The following GRIN2B variants were observed in gnomAD, a reference collection of about 807,000 sequenced individuals.
GRIN2B encodes glutamate ionotropic receptor NMDA type subunit 2B.
Under a neutral mutation model 114.5 loss-of-function variants are expected in GRIN2B, and 5 were observed. The observed-to-expected ratio is 0.04, with a 90% CI of 0.02 to 0.09. The LOEUF (loss-of-function observed/expected upper bound fraction) is 0.09. Among genes scored for constraint, GRIN2B ranks in the 10% least tolerant of loss-of-function variants. GRIN2B has a pLI of 1.00. For synonymous variants in GRIN2B, 787 were observed against 745.1 expected, an observed-to-expected ratio of 1.06 and a Z score of -0.92; for missense variants, 1,108 against 1,943.5, an observed-to-expected ratio of 0.57 and a Z score of 8.08.
At chr12:13,742,941 G>C (rs1009327547) in intron 4 of GRIN2B, among the ~76,000 whole-genome samples, 4 of 152,150 alleles carry the variant, frequency 2.6e-5, no homozygotes, top group Non-Finnish European at 5.9e-5. Flanking sequence ...CTTGAAACTG[G>C]AGTTCCAGCA....
chr12:13,924,203 T>C (rs1243751745), intron 2 of GRIN2B, among the ~76,000 whole-genome samples: 3 of 152,124 alleles, frequency 2.0e-5, no homozygotes, highest in South Asian at 2.1e-4. Flanking sequence ...AATAGGTATA[T>C]TGTATATGGA....
intron 4 of GRIN2B, among the ~76,000 whole-genome samples, chr12:13,677,437 T>C (rs1274494383): frequency 6.6e-6 from 1 of 152,160 alleles, no homozygotes; most frequent in African/African-American, 2.4e-5. Context: ...TCACTTCTCA[T>C]TTCCAGAACT....
intron 2 of GRIN2B, among the ~76,000 whole-genome samples, chr12:13,887,321 T>G (rs1591603564): frequency 6.6e-6 from 1 of 152,208 alleles, no homozygotes; most frequent in South Asian, 2.1e-4. Flanking sequence ...ACATTATAAA[T>G]GTACATGCAG....
intron 4 of GRIN2B, among the ~76,000 whole-genome samples, chr12:13,692,760 C>CTTTTTTTTTTTTTTTTTTTTTTTTTTT (rs71067718): frequency 3.8e-5 from 2 of 52,130 alleles, no homozygotes; most frequent in African/African-American, 9.5e-5. Flanking sequence ...TCTTTCTTTT[C>CTTTTTTTTTTTTTTTTTTTTTTTTTTT]TTTTTTTTTT....
At position 13,637,137 on chromosome 12, in the gene GRIN2B, A is replaced by G. The variant is rs78347655; in HGVS notation, c.1126-20480T>C. Among the ~76,000 whole-genome samples, 35 of 152,286 alleles carry G rather than the reference A, an allele frequency of 2.3e-4. 1 individual carries two copies. The East Asian group carries it at 6.8e-3, about 29-fold the overall frequency. On this transcript the variant is annotated intron_variant, in intron 5 of 13. Coordinates refer to ENST00000609686, the MANE Select transcript of GRIN2B (RefSeq NM_000834.5). ...AATTTGAGAGACATTGACATTTAGA[A>G]TATTTTGCAAGTTGAAAGACTGGAT...
Position 13,555,721 on chromosome 12 carries a change from G to A in GRIN2B, c.*7062C>T, listed in dbSNP as rs1477460969. ...ATAATCAGATTTTCTTGCAAACACA[G>A]TAGGAAAGATTGCCTGTTGAAAGAC... On this transcript the variant is annotated 3_prime_UTR_variant, in exon 14 of 14. Coordinates refer to ENST00000609686, the MANE Select transcript of GRIN2B (RefSeq NM_000834.5). 1 of 152,168 alleles carries A rather than the reference G, an allele frequency of 6.6e-6. No homozygotes were observed. The highest frequency in any genetic ancestry group is 2.4e-5 in the African/African-American group (1 of 41,428). The allele number at this position is 152,168 out of a possible 1,614,324, so 9.4% of individuals were successfully genotyped here.
At chr12:13,866,812 C>A (rs1865836045) in intron 2 of GRIN2B, among the ~76,000 whole-genome samples, 1 of 152,194 alleles carries the variant, frequency 6.6e-6, no homozygotes, top group Non-Finnish European at 1.5e-5. Context: ...ACAAGAACAA[C>A]TGATACATGA....
At chr12:13,879,399 T>C (rs7969883) in intron 2 of GRIN2B, among the ~76,000 whole-genome samples, 1 of 152,062 alleles carries the variant, frequency 6.6e-6, no homozygotes, top group African/African-American at 2.4e-5. Context: ...AGAACCACTG[T>C]CATTATAGGG....
intron 2 of GRIN2B, among the ~76,000 whole-genome samples, chr12:13,888,422 T>C (rs1866200888): frequency 8.0e-6 from 1 of 124,922 alleles, no homozygotes; most frequent in Non-Finnish European, 1.6e-5. Flanking sequence ...GCAGTATAAA[T>C]ACAGCATAAA....
intron 2 of GRIN2B, among the ~76,000 whole-genome samples, chr12:13,907,791 TA>T (rs5796566): frequency 0.99 from 150,037 of 152,130 alleles, 74,014 homozygotes; most frequent in East Asian, 1. Context: ...TCAATTTTTT[TA>T]AAAAAAAGTA....
chr12:13,938,991 GAAAGA>G (rs1867182557), intron 2 of GRIN2B, among the ~76,000 whole-genome samples: 1 of 152,116 alleles, frequency 6.6e-6, no homozygotes, highest in South Asian at 2.1e-4. Context: ...ATTCAGGAAA[GAAAGA>G]AAAGAGAAAT....
intron 5 of GRIN2B, among the ~76,000 whole-genome samples, chr12:13,656,060 GTCAGTTCTCTCCAC>G (rs150474142): frequency 0.044 from 6,718 of 152,088 alleles, 425 homozygotes; most frequent in African/African-American, 0.14. Context: ...TTCTCTGCCT[GTCAGTTCTCTCCAC>G]TCATCTTCCT....
chr12:13,968,610 C>T (rs1028732999), intron 2 of GRIN2B, among the ~76,000 whole-genome samples: 3 of 152,174 alleles, frequency 2.0e-5, no homozygotes, highest in South Asian at 2.1e-4. Flanking sequence ...AGTTAAGGCA[C>T]TCCATGTGGC....
chr12:13,648,954 A>C (rs1168087858), intron 5 of GRIN2B, among the ~76,000 whole-genome samples: 2 of 152,078 alleles, frequency 1.3e-5, no homozygotes, highest in Admixed American at 1.3e-4. Context: ...GAAGGAGAAG[A>C]AAGAGGGATA....
At chr12:13,864,967 A>G (rs1003844644) in intron 3 of GRIN2B, among the ~76,000 whole-genome samples, 8 of 152,176 alleles carry the variant, frequency 5.3e-5, no homozygotes, top group African/African-American at 1.9e-4. Flanking sequence ...AAGCATGGGG[A>G]AAAATGTGTT....
chr12:13,667,651 T>C (rs1949990342), intron 5 of GRIN2B, among the ~76,000 whole-genome samples: 1 of 152,150 alleles, frequency 6.6e-6, no homozygotes. Context: ...TTGAAAAACA[T>C]TTAATAAAAA....
intron 2 of GRIN2B, among the ~76,000 whole-genome samples, chr12:13,927,807 TAA>T (rs111780557): frequency 7.0e-6 from 1 of 143,276 alleles, no homozygotes; most frequent in African/African-American, 2.6e-5. Context: ...AAATAAAAAT[TAA>T]AAAAAAAATT....
intron 2 of GRIN2B, among the ~76,000 whole-genome samples, chr12:13,937,808 C>A (rs935355016): frequency 2.0e-5 from 3 of 152,000 alleles, no homozygotes; most frequent in East Asian, 1.9e-4. Flanking sequence ...AAAGATAGGA[C>A]AACAATCATA....
chr12:13,662,952 T>A (rs1949938517), intron 5 of GRIN2B, among the ~76,000 whole-genome samples: 1 of 152,120 alleles, frequency 6.6e-6, no homozygotes, highest in South Asian at 2.1e-4. Flanking sequence ...TACTTCTCCT[T>A]GTGAAAAGGA....
Sources: gnomAD v4.1 joint callset for allele counts (sites outside exome capture counted in the v4.1 genomes callset) on GRCh38, gnomAD v4.1.1 for gene constraint, MANE v1.5 for transcripts, NCBI Gene and HGNC (gene_info 2026-07-23, HGNC 2026-07-21) for gene names.